The following SH3BP2 variants were observed in gnomAD, a reference collection of about 807,000 sequenced individuals.
SH3BP2 encodes SH3 domain-binding protein 2.
In SH3BP2, 38 loss-of-function variants were observed where a neutral mutation model predicts 56.2. The observed-to-expected ratio is 0.68, with a 90% CI of 0.52 to 0.89. The LOEUF (loss-of-function observed/expected upper bound fraction) is 0.89. Ranked by LOEUF, SH3BP2 falls within the 40% of genes least tolerant of loss-of-function variation. The pLI is 0.00. For missense variants in SH3BP2, 748 were observed against 762.6 expected (o/e 0.98, Z 0.23); for synonymous variants, 346 against 316.7 (o/e 1.09, Z -0.98).
intron 11 of SH3BP2, among the ~76,000 whole-genome samples, 158 bp from the exon 12 acceptor site, chr4:2,832,832 G>A (rs769423358): frequency 5.3e-5 from 8 of 152,172 alleles, no homozygotes; most frequent in African/African-American, 1.2e-4. Context: ...TGTCGCCCCC[G>A]CTGTCCTTGT....
rs1725305104 is a variant in SH3BP2 at position 2,838,331 on chromosome 4, C to G, written c.*4497C>G. The G allele has an allele frequency of 6.6e-6, 1 of 152,328 alleles. No homozygotes were observed. The highest frequency in any genetic ancestry group is 1.5e-5 in the Non-Finnish European group (1 of 68,046). The allele number at this position is 152,328 out of a possible 1,614,324, so 9.4% of individuals were successfully genotyped here. A position where few individuals can be genotyped will look rare whatever the true frequency, so the allele number is the denominator to read the frequency against. On this transcript the variant is annotated 3_prime_UTR_variant, in exon 13 of 13. Transcript: ENST00000503393. ...GTTTTTCTAAAAAGTCTTCAGCACC[C>G]AATTATGCAGGCATTGCAGTATTTT...
At chr4:2,821,095 C>G (rs985926208) in intron 2 of SH3BP2, among the ~76,000 whole-genome samples, 1 of 152,182 alleles carries the variant, frequency 6.6e-6, no homozygotes, top group Non-Finnish European at 1.5e-5. Context: ...GGTCACTTCG[C>G]CCACAGTGAA....
intron 2 of SH3BP2, 82 bp downstream of exon 2, chr4:2,820,835 C>T: frequency 4.2e-6 from 6 of 1,422,324 alleles, no homozygotes; most frequent in South Asian, 2.6e-5. Flanking sequence ...CTCTCCAAGC[C>T]TCTGCTTCCT....
At position 2,830,145 on chromosome 4, in the gene SH3BP2, C is replaced by T. The variant is rs957454698; in HGVS notation, c.1239C>T (p.Leu413=). 6.3e-6 allele frequency: 10 copies of T among 1,599,656 alleles called. No homozygotes were observed. The Admixed American group carries it at 1.7e-4, about 27-fold the overall frequency. Residue 413 remains leucine (L), a splice_region_variant and synonymous_variant, in exon 8 of 13, where the codon CTC becomes CTT. Coordinates refer to ENST00000503393, the MANE Select transcript of SH3BP2 (RefSeq NM_001122681.2). ...CAGAGAAGCCGCAGCTCCCGCACCT[C>T]CAGTGAGTTTGTGTGGCGGCTGCAA... ...PRPEKPQLPH[L]QRSPPDGQSF... is the part of the protein sequence containing the mutation.
chr4:2,795,746 A>C (rs1723040073), intron 1 of SH3BP2, among the ~76,000 whole-genome samples: 1 of 151,978 alleles, frequency 6.6e-6, no homozygotes, highest in Non-Finnish European at 1.5e-5. Context: ...AGGGTGGGAG[A>C]CCAGTTTGAC....
chr4:2,822,966 C>T lies in SH3BP2; in HGVS notation c.168C>T (p.Arg56=). 1.2e-6 allele frequency: 2 copies of T among 1,614,132 alleles called. No homozygotes were observed. The highest frequency in any genetic ancestry group is 1.7e-6 in the Non-Finnish European group (2 of 1,179,998). The stretch of plus-strand genomic sequence containing the variant: ...TGCGCTTTGTCATCATCCACAAACG[C>T]TGCGTCTACTACTTCAAGAGTAGCA... ...WPLRFVIIHK[R]CVYYFKSSTS... is the part of the protein sequence containing the mutation. Residue 56 remains arginine, a synonymous_variant, in exon 3 of 13, where the codon CGC becomes CGT. Coordinates refer to ENST00000503393, the MANE Select transcript of SH3BP2 (RefSeq NM_001122681.2).
intron 5 of SH3BP2, among the ~76,000 whole-genome samples, chr4:2,826,076 C>T (rs1193957758): frequency 6.6e-6 from 1 of 152,260 alleles, no homozygotes; most frequent in African/African-American, 2.4e-5. Flanking sequence ...AGCCTCGGGC[C>T]CAGCCCAGAG....
chr4:2,833,572 G>A (rs1725116900), intron 12 of SH3BP2, 125 bp from the exon 13 acceptor site: 1 of 1,314,684 alleles, frequency 7.6e-7, no homozygotes, highest in South Asian at 1.3e-5. Context: ...ACCACCGACA[G>A]CCAGGGGCCA....
intron 1 of SH3BP2, among the ~76,000 whole-genome samples, chr4:2,803,948 G>A (rs902733559): frequency 2.6e-5 from 4 of 152,142 alleles, no homozygotes; most frequent in Admixed American, 1.3e-4. Flanking sequence ...AGGGTGTGGC[G>A]TTTGCCTGTA....
At chr4:2,823,719 A>G (rs765196441) in intron 3 of SH3BP2, 3 of 346,234 alleles carry the variant, frequency 8.7e-6, no homozygotes, top group South Asian at 2.1e-5. Context: ...GCATTTATCT[A>G]TGCCTCTTAC....
At position 2,840,456 on chromosome 4, in the gene SH3BP2, TCTAA is replaced by T. The variant is rs1430139366; in HGVS notation, c.*6625_*6628del. ...ACACCTGTCCTATCATTGTTTGTAA[TCTAA>T]CTTTCTGCGCCCATCTGCAATGCCA... On this transcript the variant is annotated 3_prime_UTR_variant, in exon 13 of 13. Transcript: ENST00000503393. 3.3e-5 allele frequency: 5 copies of T among 152,154 alleles called. No individual in the cohort carries two copies. The highest frequency in any genetic ancestry group is 9.7e-5 in the African/African-American group (4 of 41,422). The allele number at this position is 152,154 out of a possible 1,614,324, so 9.4% of individuals were successfully genotyped here.
chr4:2,808,672 G>A lies in SH3BP2; in HGVS notation c.-4-11942G>A, dbSNP rs140727832. On this transcript the variant is annotated intron_variant, in intron 1 of 12. Transcript: ENST00000503393. ...GGAGGGTCCCAGGGATGGCTGTGGA[G>A]CGGACCCAGGCCCCATGGGAGGGGC... 1.1e-4 allele frequency among the ~76,000 whole-genome samples: 17 copies of A among 152,198 alleles called. No homozygotes were observed. The East Asian group carries it at 2.7e-3, about 24-fold the overall frequency.
Position 2,824,734 on chromosome 4 carries a change from A to G in SH3BP2, c.357+4A>G. Reference sequence around the variant, plus strand: ...CTCCTCCGAGGAGGAGCGCAAGGTGACTGGGGGTCCGAGGACGAGTGCAAG... The same window carrying G: ...CTCCTCCGAGGAGGAGCGCAAGGTGGCTGGGGGTCCGAGGACGAGTGCAAG... On this transcript the variant is annotated splice_donor_region_variant and intron_variant, in intron 4 of 12. Coordinates refer to ENST00000503393, the MANE Select transcript of SH3BP2 (RefSeq NM_001122681.2). 1 of 1,602,548 alleles carries G rather than the reference A, an allele frequency of 6.2e-7. No individual in the cohort carries two copies. The highest frequency in any genetic ancestry group is 8.5e-7 in the Non-Finnish European group (1 of 1,169,940).
chr4:2,818,935 T>G, intron 1 of SH3BP2: 1 of 981,778 alleles, frequency 1.0e-6, no homozygotes, highest in Non-Finnish European at 1.2e-6. Context: ...TTTTTATTTA[T>G]TTTGTTTTTA....
chr4:2,817,175 A>G (rs1724035276), intron 1 of SH3BP2, among the ~76,000 whole-genome samples: 1 of 152,254 alleles, frequency 6.6e-6, no homozygotes, highest in Non-Finnish European at 1.5e-5. Flanking sequence ...AGGAAGGGCC[A>G]GGTTGGCATG....
intron 5 of SH3BP2, 92 bp downstream of exon 5, chr4:2,825,288 A>G: frequency 1.8e-6 from 2 of 1,084,934 alleles, no homozygotes; most frequent in Non-Finnish European, 2.8e-6. Flanking sequence ...CGGGCTTGGC[A>G]TAGAATTCCG....
intron 1 of SH3BP2, among the ~76,000 whole-genome samples, chr4:2,796,928 C>G (rs762928599): frequency 4.6e-5 from 7 of 152,224 alleles, no homozygotes; most frequent in Admixed American, 2.6e-4. Flanking sequence ...GTTCTGGGCT[C>G]AGAGCAGGCT....
rs750753010 is a variant in SH3BP2, at chr4:2,820,630, G to A, written c.13G>A (p.Glu5Lys). The change falls in exon 2 of 13, where the codon GAG (glutamate) becomes AAG (lysine). Residue 5 changes from glutamate (E) to lysine (K), a missense_variant. Physicochemically the swap from Glu to Lys is moderately conservative, Grantham distance 56. Around this residue, in one of 3 missense-constraint regions of SH3BP2, gnomAD observed 104 missense variants for 123.1 expected, o/e 0.84. Transcript: ENST00000503393. MAAE[E>K]MHWPVPMKAI... ...TTATTGCAGCTTCATGGCGGCTGAAGAGATGCATTGGCCTGTCCCTATGAA... is the reference window on the plus strand; with the variant it reads ...TTATTGCAGCTTCATGGCGGCTGAAAAGATGCATTGGCCTGTCCCTATGAA... 8.1e-6 allele frequency: 13 copies of A among 1,614,072 alleles called. No homozygotes were observed. The Admixed American group carries it at 2.2e-4, about 27-fold the overall frequency.
Position 2,840,401 on chromosome 4 carries a change from A to C in SH3BP2, c.*6567A>C, listed in dbSNP as rs1261286210. On this transcript the variant is annotated 3_prime_UTR_variant, in exon 13 of 13. Transcript: ENST00000503393. ...TGCATATGGTGTGAGGTAAGGATTC[A>C]CTTTCATTTTTTTCTCTCCATAGGG... 1 of 152,036 alleles carries C rather than the reference A, an allele frequency of 6.6e-6. No homozygotes were observed. Among genetic ancestry groups the C allele is most frequent in the Non-Finnish European group, 1.5e-5 (1 of 68,012 alleles). The allele number at this position is 152,036 out of a possible 1,614,324, so 9.4% of individuals were successfully genotyped here. A position where few individuals can be genotyped will look rare whatever the true frequency, so the allele number is the denominator to read the frequency against.
Sources: allele counts gnomAD v4.1 joint callset (sites outside exome capture counted in the v4.1 genomes callset), GRCh38; gene constraint gnomAD v4.1.1; regional missense constraint gnomAD v4.1.1; transcripts MANE v1.5; gene names NCBI Gene and HGNC (gene_info 2026-07-23, HGNC 2026-07-21).